SGMS1: variants seen among roughly 807,000 people sequenced by gnomAD.
SGMS1 encodes the protein sphingomyelin synthase 1.
A neutral mutation model predicts 46.2 loss-of-function variants in SGMS1; 13 were observed. That is an observed-to-expected ratio of 0.28 (90% confidence interval 0.18 to 0.45). The LOEUF (loss-of-function observed/expected upper bound fraction) is 0.45, where lower values mean the gene tolerates loss of function less well. Among genes scored for constraint, SGMS1 ranks in the 20% least tolerant of loss-of-function variants. The probability of loss-of-function intolerance (pLI) is 1.00; values close to 1 mark genes in which losing one functional copy is unlikely to be tolerated. For missense variants in SGMS1, 324 were observed against 519.9 expected, an observed-to-expected ratio of 0.62 and a Z score of 3.66; for synonymous variants, 203 against 187.8, an observed-to-expected ratio of 1.08 and a Z score of -0.66.
intron 6 of SGMS1, among the ~76,000 whole-genome samples, chr10:50,357,366 AT>A (rs1047073805): frequency 4.6e-5 from 7 of 152,192 alleles, no homozygotes; most frequent in African/African-American, 1.2e-4. Context: ...TCATTTATAA[AT>A]TTTTTTTATC....
At chr10:50,485,794 G>A (rs1048869886) in intron 3 of SGMS1, among the ~76,000 whole-genome samples, 2 of 152,118 alleles carry the variant, frequency 1.3e-5, no homozygotes, top group African/African-American at 2.4e-5. Context: ...CAACTACTTG[G>A]TAGGCTGAGG....
intron 7 of SGMS1, among the ~76,000 whole-genome samples, chr10:50,332,515 A>AATTCCTTG (rs1450727523): frequency 6.6e-6 from 1 of 151,394 alleles, no homozygotes; most frequent in Non-Finnish European, 1.5e-5. Context: ...CTGTTTCCTT[A>AATTCCTTG]ATTCCTTGCT....
intron 4 of SGMS1, among the ~76,000 whole-genome samples, chr10:50,461,347 G>A (rs1377156104): frequency 6.6e-6 from 1 of 152,070 alleles, no homozygotes; most frequent in Non-Finnish European, 1.5e-5. Flanking sequence ...ACATTTCCTG[G>A]TAGCATAATC....
At chr10:50,485,724 AC>A (rs1480336185) in intron 3 of SGMS1, among the ~76,000 whole-genome samples, 1 of 152,024 alleles carries the variant, frequency 6.6e-6, no homozygotes, top group Non-Finnish European at 1.5e-5. Flanking sequence ...ATGTGGTGAA[AC>A]CCTGTCTCTA....
chr10:50,436,503 TG>T (rs532321682), intron 5 of SGMS1, among the ~76,000 whole-genome samples: 305 of 152,300 alleles, frequency 2.0e-3, no homozygotes, highest in African/African-American at 7.0e-3. Flanking sequence ...GCGGTATCAC[TG>T]GAATATAAGC....
chr10:50,393,243 G>A (rs530281344), intron 6 of SGMS1, among the ~76,000 whole-genome samples: 6 of 152,136 alleles, frequency 3.9e-5, no homozygotes, highest in African/African-American at 1.2e-4. Context: ...TATTACCCAC[G>A]TTACACTCTC....
intron 2 of SGMS1, among the ~76,000 whole-genome samples, chr10:50,527,125 C>CA (rs1450363584): frequency 6.7e-6 from 1 of 148,714 alleles, no homozygotes; most frequent in Non-Finnish European, 1.5e-5. Flanking sequence ...GCCATGTATT[C>CA]AACCATGCAG....
At chr10:50,623,543 G>A (rs980153679) in intron 1 of SGMS1, 164 bp downstream of exon 1, 1 of 980,034 alleles carries the variant, frequency 1.0e-6, no homozygotes, top group Non-Finnish European at 1.2e-6. Flanking sequence ...CTGGAGGACT[G>A]CCCGCCAGGT....
chr10:50,595,004 A>G (rs577135159), intron 1 of SGMS1, among the ~76,000 whole-genome samples: 1 of 152,262 alleles, frequency 6.6e-6, no homozygotes, highest in African/African-American at 2.4e-5. Flanking sequence ...TAGAACAAGG[A>G]TTTAAACCCA....
chr10:50,574,971 A>ATATATATGTG (rs1308196221), intron 2 of SGMS1, among the ~76,000 whole-genome samples: 4 of 142,344 alleles, frequency 2.8e-5, no homozygotes, highest in Admixed American at 2.2e-4. Context: ...GTGTATATAT[A>ATATATATGTG]TATATATATA....
intron 6 of SGMS1, among the ~76,000 whole-genome samples, chr10:50,391,121 G>A (rs1240734037): frequency 6.6e-6 from 1 of 152,150 alleles, no homozygotes; most frequent in African/African-American, 2.4e-5. Flanking sequence ...ACAAAACTTT[G>A]AAGAAACAAA....
intron 3 of SGMS1, among the ~76,000 whole-genome samples, chr10:50,500,898 C>T (rs993810484): frequency 4.6e-5 from 7 of 152,138 alleles, no homozygotes; most frequent in African/African-American, 1.7e-4. Context: ...TAAAATTACT[C>T]TTTAATTTCA....
chr10:50,327,191 G>T lies in SGMS1; in HGVS notation c.741+14C>A. The T allele has an allele frequency of 6.9e-7, 1 of 1,447,644 alleles. No homozygotes were observed. Among genetic ancestry groups the T allele is most frequent in the Non-Finnish European group, 9.6e-7 (1 of 1,036,410 alleles). 89.7% of individuals were successfully genotyped at this position (1,447,644 alleles called of 1,614,324 possible). ...AACAAACAGAAAGCGAAATTACAGC[G>T]AGGAATAGTTTACCTTCGGAGAACA... On this transcript the variant is annotated intron_variant, in intron 8 of 10. Transcript: ENST00000361781.
At chr10:50,417,326 T>G (rs1347711358) in intron 6 of SGMS1, among the ~76,000 whole-genome samples, 1 of 152,156 alleles carries the variant, frequency 6.6e-6, no homozygotes, top group African/African-American at 2.4e-5. Flanking sequence ...TGGATAAAAA[T>G]GTTATGATAA....
chr10:50,512,257 C>T (rs572587673), intron 3 of SGMS1, among the ~76,000 whole-genome samples: 8 of 151,978 alleles, frequency 5.3e-5, no homozygotes, highest in Non-Finnish European at 8.8e-5. Context: ...CAAGACTTCT[C>T]CATACATGAT....
chr10:50,462,120 T>A (rs1459609944), intron 4 of SGMS1, among the ~76,000 whole-genome samples: 1 of 151,822 alleles, frequency 6.6e-6, no homozygotes, highest in Non-Finnish European at 1.5e-5. Context: ...AAAATAACAA[T>A]GCACAGTGGT....
chr10:50,590,619 T>A (rs1473156738), intron 1 of SGMS1: 1 of 152,188 alleles, frequency 6.6e-6, no homozygotes, highest in Non-Finnish European at 1.5e-5. Flanking sequence ...CTACTTAACA[T>A]ATCTATCACC....
chr10:50,541,100 G>A (rs114963091), intron 2 of SGMS1, among the ~76,000 whole-genome samples: 298 of 152,334 alleles, frequency 2.0e-3, no homozygotes, highest in African/African-American at 7.0e-3. Flanking sequence ...ACCAACCAGC[G>A]TTGGAGACCT....
chr10:50,376,374 G>A (rs1417693229), intron 6 of SGMS1, among the ~76,000 whole-genome samples: 1 of 152,070 alleles, frequency 6.6e-6, no homozygotes, highest in Non-Finnish European at 1.5e-5. Flanking sequence ...TCGACCTCCC[G>A]GCTGAGTTAG....
Sources: allele counts gnomAD v4.1 joint callset (sites outside exome capture counted in the v4.1 genomes callset), GRCh38; gene constraint gnomAD v4.1.1; transcripts MANE v1.5; gene names NCBI Gene and HGNC (gene_info 2026-07-23, HGNC 2026-07-21).